ANTXRL: variants seen among roughly 807,000 people sequenced by gnomAD.
The protein encoded by ANTXRL is anthrax toxin receptor-like.
A neutral mutation model predicts 75.4 loss-of-function variants in ANTXRL; 63 were observed. The observed-to-expected ratio is 0.84, with a 90% CI of 0.68 to 1.03. The LOEUF is 1.03. Among genes scored for constraint, ANTXRL ranks in the 50% least tolerant of loss-of-function variants. The pLI, the probability that ANTXRL is intolerant of heterozygous loss-of-function variation, is 0.00. For synonymous variants in ANTXRL, 335 were observed against 291.3 expected, an observed-to-expected ratio of 1.15 and a Z score of -1.53; for missense variants, 797 against 789.4, an observed-to-expected ratio of 1.01 and a Z score of -0.12.
intron 10 of ANTXRL, among the ~76,000 whole-genome samples, chr10:46,305,804 A>G (rs1204496672): frequency 6.7e-6 from 1 of 150,224 alleles, no homozygotes; most frequent in Non-Finnish European, 1.5e-5. Context: ...TACAGACTTG[A>G]AAAAAAAAAC....
chr10:46,287,558 T>C, intron 1 of ANTXRL, 48 bp downstream of exon 1: 3 of 1,502,244 alleles, frequency 2.0e-6, no homozygotes, highest in Non-Finnish European at 2.7e-6. Flanking sequence ...CAGGAGCCAC[T>C]GTCTCTTTTT....
intron 16 of ANTXRL, among the ~76,000 whole-genome samples, chr10:46,325,852 G>T (rs1554966343): frequency 6.6e-6 from 1 of 151,942 alleles, no homozygotes; most frequent in African/African-American, 2.4e-5. Flanking sequence ...TCCTCCTCAG[G>T]TCCACCCCAT....
chr10:46,288,589 C>A (rs1464527990), intron 1 of ANTXRL, among the ~76,000 whole-genome samples: 2 of 152,174 alleles, frequency 1.3e-5, no homozygotes, highest in African/African-American at 4.8e-5. Flanking sequence ...AGGCAGAGTC[C>A]ACTCACTAGC....
intron 1 of ANTXRL, among the ~76,000 whole-genome samples, chr10:46,288,984 C>A (rs1836869429): frequency 6.6e-6 from 1 of 152,182 alleles, no homozygotes; most frequent in Non-Finnish European, 1.5e-5. Flanking sequence ...GAATGACCCA[C>A]CACAGCCTCC....
intron 16 of ANTXRL, among the ~76,000 whole-genome samples, chr10:46,318,939 A>C (rs147984975): frequency 6.6e-6 from 1 of 152,296 alleles, no homozygotes; most frequent in East Asian, 1.9e-4. Context: ...CGACATAGAG[A>C]AAACGGAACT....
chr10:46,324,948 G>A (rs1329576704), intron 16 of ANTXRL, among the ~76,000 whole-genome samples: 1 of 152,052 alleles, frequency 6.6e-6, no homozygotes, highest in Non-Finnish European at 1.5e-5. Flanking sequence ...AGTTGATTAG[G>A]CGGGTTCAGA....
intron 1 of ANTXRL, 36 bp from the exon 2 acceptor site, chr10:46,292,022 A>G: frequency 3.3e-6 from 5 of 1,516,064 alleles, no homozygotes; most frequent in Non-Finnish European, 3.5e-6. Flanking sequence ...GGAGAGATGC[A>G]CTCATCTCCC....
At chr10:46,316,653 G>A (rs1258035552) in intron 16 of ANTXRL, among the ~76,000 whole-genome samples, 12 of 152,132 alleles carry the variant, frequency 7.9e-5, no homozygotes, top group African/African-American at 1.2e-4. Context: ...TCCACCCCAT[G>A]TCCTGCTGTC....
upstream of ANTXRL, among the ~76,000 whole-genome samples, chr10:46,286,730 C>G (rs1166763603): frequency 1.3e-5 from 2 of 152,160 alleles, no homozygotes; most frequent in African/African-American, 4.8e-5. Flanking sequence ...CAAATAACCT[C>G]CCATTGCCAA....
intron 16 of ANTXRL, among the ~76,000 whole-genome samples, chr10:46,321,878 C>A (rs1187634669): frequency 6.6e-6 from 1 of 152,022 alleles, no homozygotes; most frequent in Non-Finnish European, 1.5e-5. Context: ...CCAAGGCAAC[C>A]CAATTGACTC....
At chr10:46,304,980 G>C (rs1837985834) in intron 10 of ANTXRL, among the ~76,000 whole-genome samples, 1 of 152,206 alleles carries the variant, frequency 6.6e-6, no homozygotes, top group African/African-American at 2.4e-5. Flanking sequence ...CCATGCCACA[G>C]CTGTGAGCAC....
chr10:46,313,906 T>C (rs559178805), intron 16 of ANTXRL, among the ~76,000 whole-genome samples: 1 of 152,322 alleles, frequency 6.6e-6, no homozygotes, highest in African/African-American at 2.4e-5. Context: ...CTGGGCTGAC[T>C]CCTGCCCTTA....
chr10:46,295,653 C>T (rs1157573405), intron 3 of ANTXRL, among the ~76,000 whole-genome samples: 1 of 145,628 alleles, frequency 6.9e-6, no homozygotes, highest in Non-Finnish European at 1.5e-5. Context: ...CAGTGGCTGA[C>T]TCTCAGTTGC....
chr10:46,327,868 C>T (rs1409448268), intron 16 of ANTXRL, among the ~76,000 whole-genome samples: 4 of 152,228 alleles, frequency 2.6e-5, no homozygotes, highest in South Asian at 2.1e-4. Context: ...ACAGGCCCCA[C>T]GCCAGGGAAA....
rs1170481294 is a variant in ANTXRL, at chr10:46,297,188, C to T, written c.509-64C>T. ...TGGGCCCAGCCATCTGCAGGGGTTC[C>T]GGAGCTTCTGGAGGTCACTCCTGGT... On this transcript the variant is annotated intron_variant, in intron 5 of 16. Coordinates refer to ENST00000620264, the MANE Select transcript of ANTXRL (RefSeq NM_001278688.3). 2.5e-5 allele frequency: 34 copies of T among 1,380,718 alleles called. 1 individual carries two copies. The South Asian group carries it at 2.7e-4, about 11-fold the overall frequency. 85.5% of individuals were successfully genotyped at this position (1,380,718 alleles called of 1,614,324 possible).
intron 11 of ANTXRL, 114 bp downstream of exon 11, chr10:46,306,986 T>C: frequency 1.1e-6 from 1 of 908,002 alleles, no homozygotes; most frequent in Non-Finnish European, 1.6e-6. Flanking sequence ...AGCACATATC[T>C]GTGGCTGCGC....
At chr10:46,310,607 A>ATG in intron 14 of ANTXRL, 108 bp downstream of exon 14, 1 of 1,196,950 alleles carries the variant, frequency 8.4e-7, no homozygotes, top group Non-Finnish European at 1.2e-6. Context: ...GCTTGAGCAG[A>ATG]GAAGTTGACA....
chr10:46,313,432 G>A (rs1293410112), intron 16 of ANTXRL, 116 bp downstream of exon 16: 27 of 1,072,912 alleles, frequency 2.5e-5, no homozygotes, highest in South Asian at 1.7e-4. Context: ...AAAAGAGGAC[G>A]GCACAAGACA....
At chr10:46,297,109 C>T in intron 5 of ANTXRL, 143 bp from the exon 6 acceptor site, 2 of 690,754 alleles carry the variant, frequency 2.9e-6, no homozygotes, top group East Asian at 2.7e-5. Context: ...GGCAGCCTCT[C>T]CTCTGGAGGA....
Sources: allele counts gnomAD v4.1 joint callset (sites outside exome capture counted in the v4.1 genomes callset), GRCh38; gene constraint gnomAD v4.1.1; transcripts MANE v1.5; gene names NCBI Gene and HGNC (gene_info 2026-07-23, HGNC 2026-07-21).